Variants in DLGAP1 observed in about 807,000 individuals in gnomAD.
The protein encoded by DLGAP1 is disks large-associated protein 1.
Under a neutral mutation model 90.8 loss-of-function variants are expected in DLGAP1, and 11 were observed. That is an observed-to-expected ratio of 0.12 (90% CI 0.08 to 0.20). The LOEUF is 0.20. Ranked by LOEUF, DLGAP1 falls within the 10% of genes least tolerant of loss-of-function variation. The pLI, the probability that DLGAP1 is intolerant of heterozygous loss-of-function variation, is 1.00. For missense variants in DLGAP1, 1,050 were observed against 1,333.8 expected, an observed-to-expected ratio of 0.79 and a Z score of 3.31; for synonymous variants, 558 against 540.7, an observed-to-expected ratio of 1.03 and a Z score of -0.44.
chr18:3,815,138 T>C (rs2067039262), intron 4 of DLGAP1, among the ~76,000 whole-genome samples: 1 of 152,236 alleles, frequency 6.6e-6, no homozygotes, highest in African/African-American at 2.4e-5. Flanking sequence ...TTGTTTTCAA[T>C]TGCCATTTAA....
At chr18:4,093,427 G>A (rs1235324477) in intron 2 of DLGAP1, among the ~76,000 whole-genome samples, 1 of 152,204 alleles carries the variant, frequency 6.6e-6, no homozygotes, top group Non-Finnish European at 1.5e-5. Flanking sequence ...GAAACCAGAT[G>A]AGAATATGGG....
At chr18:3,721,669 T>G (rs1010477191) in intron 7 of DLGAP1, 2 of 152,156 alleles carry the variant, frequency 1.3e-5, no homozygotes, top group Admixed American at 1.3e-4. Flanking sequence ...GCTAAATGCA[T>G]ATTTGCGAGA....
At chr18:4,064,780 T>C (rs4544323) in intron 2 of DLGAP1, among the ~76,000 whole-genome samples, 67,076 of 151,818 alleles carry the variant, frequency 0.44, 15,753 homozygotes, top group African/African-American at 0.6. Context: ...AGAGCCAGTA[T>C]ATTCCTACTA....
In DLGAP1 at chr18:3,973,876, G is replaced by A. The variant is rs541813323; in HGVS notation, c.-73+31240C>T. Among the ~76,000 whole-genome samples the A allele has an allele frequency of 2.0e-5, 3 of 152,250 alleles. No homozygotes were observed. The South Asian group carries it at 6.2e-4, about 32-fold the overall frequency. On this transcript the variant is annotated intron_variant, in intron 3 of 12. Coordinates refer to ENST00000315677, the MANE Select transcript of DLGAP1 (RefSeq NM_004746.4). ...GAACATGTGCTGCTGTTGTCCTTGT[G>A]TGAATGCAGAGTGGACTTAGATGGA...
chr18:4,437,225 A>G (rs1475126464), intron 1 of DLGAP1, among the ~76,000 whole-genome samples: 1 of 152,230 alleles, frequency 6.6e-6, no homozygotes, highest in Non-Finnish European at 1.5e-5. Context: ...GATAAGAAAA[A>G]TAATCAATAA....
chr18:3,595,818 A>C (rs370555136), intron 7 of DLGAP1, among the ~76,000 whole-genome samples: 2 of 152,154 alleles, frequency 1.3e-5, no homozygotes, highest in East Asian at 3.8e-4. Flanking sequence ...TGTTAGGATT[A>C]AATTTCCATT....
At chr18:3,541,797 AC>A (rs1333947076) in intron 9 of DLGAP1, among the ~76,000 whole-genome samples, 1 of 152,178 alleles carries the variant, frequency 6.6e-6, no homozygotes, top group African/African-American at 2.4e-5. Flanking sequence ...TGCTTGTTCC[AC>A]CCAGTTACGA....
chr18:3,654,576 C>G (rs1212018618), intron 7 of DLGAP1: 1 of 152,186 alleles, frequency 6.6e-6, no homozygotes, highest in East Asian at 1.9e-4. Context: ...AGTGAACCAA[C>G]TGTTATCTGT....
intron 2 of DLGAP1, among the ~76,000 whole-genome samples, chr18:4,030,526 C>T (rs992110830): frequency 3.9e-5 from 6 of 152,130 alleles, no homozygotes; most frequent in Admixed American, 2.0e-4. Flanking sequence ...CCCATGGAAT[C>T]GAGGCCATAC....
At chr18:4,265,649 C>CTTTGTT (rs2079107737) in intron 1 of DLGAP1, among the ~76,000 whole-genome samples, 1 of 48,370 alleles carries the variant, frequency 2.1e-5, no homozygotes, top group Non-Finnish European at 3.3e-5. Context: ...CCTTCCCTCC[C>CTTTGTT]TCCCTCCCTC....
intron 2 of DLGAP1, among the ~76,000 whole-genome samples, chr18:4,113,686 T>C (rs2076012614): frequency 6.6e-6 from 1 of 152,128 alleles, no homozygotes; most frequent in South Asian, 2.1e-4. Context: ...AAATTCTTTC[T>C]CAAGGCAGAA....
Position 3,618,802 on chromosome 18 carries a change from A to C in DLGAP1, c.1592-36554T>G, listed in dbSNP as rs868591877. Among the ~76,000 whole-genome samples the C allele has an allele frequency of 2.3e-3, 351 of 149,536 alleles. 1 individual carries two copies. The highest frequency in any genetic ancestry group is 5.5e-3 in the Admixed American group (82 of 14,974). ...AAATACAAAAAAATTAGCCGGGTGA[A>C]GTGGCGGGTGCCTGTAGTCCCAGCT... On this transcript the variant is annotated intron_variant, in intron 7 of 12. Coordinates refer to ENST00000315677, the MANE Select transcript of DLGAP1 (RefSeq NM_004746.4).
intron 2 of DLGAP1, among the ~76,000 whole-genome samples, chr18:4,101,780 T>G (rs936102086): frequency 3.9e-5 from 6 of 152,008 alleles, no homozygotes; most frequent in African/African-American, 1.4e-4. Context: ...ATATATTTAA[T>G]AATTATACAC....
intron 3 of DLGAP1, among the ~76,000 whole-genome samples, chr18:3,929,183 A>G (rs1024725291): frequency 9.9e-5 from 15 of 152,194 alleles, no homozygotes; most frequent in Admixed American, 2.6e-4. Flanking sequence ...GAATAGACTA[A>G]TACAGTCACC....
intron 1 of DLGAP1, among the ~76,000 whole-genome samples, chr18:4,354,492 T>C (rs537581113): frequency 1.3e-5 from 2 of 152,308 alleles, no homozygotes; most frequent in Admixed American, 6.5e-5. Context: ...ACATTCTTCA[T>C]TGAACCTAAG....
chr18:3,877,607 GAAGCTTTATGTTCTT>G (rs965925537), intron 4 of DLGAP1, among the ~76,000 whole-genome samples: 153 of 152,314 alleles, frequency 1.0e-3, no homozygotes, highest in African/African-American at 3.4e-3. Flanking sequence ...AGTGGTGGGT[GAAGCTTTATGTTCTT>G]AAAGAGTTTC....
intron 4 of DLGAP1, among the ~76,000 whole-genome samples, chr18:3,829,244 T>C (rs1330838610): frequency 6.6e-6 from 1 of 152,228 alleles, no homozygotes; most frequent in Non-Finnish European, 1.5e-5. Context: ...AGAGACTGAC[T>C]ATAAAGATAG....
intron 4 of DLGAP1, among the ~76,000 whole-genome samples, chr18:3,849,589 G>C (rs1487569587): frequency 6.6e-6 from 1 of 152,128 alleles, no homozygotes; most frequent in Non-Finnish European, 1.5e-5. Context: ...AATGAAGAAA[G>C]GGACAGCCCT....
intron 3 of DLGAP1, among the ~76,000 whole-genome samples, chr18:3,905,388 A>AAAG (rs1555705475): frequency 9.4e-5 from 14 of 149,654 alleles, no homozygotes; most frequent in African/African-American, 3.4e-4. Flanking sequence ...AAAAAAAAAA[A>AAAG]AAAAGAAAAG....
Sources: gnomAD v4.1 joint callset for allele counts (sites outside exome capture counted in the v4.1 genomes callset) on GRCh38, gnomAD v4.1.1 for gene constraint, MANE v1.5 for transcripts, NCBI Gene and HGNC (gene_info 2026-07-23, HGNC 2026-07-21) for gene names.